The following CEP63 variants were observed in gnomAD, a reference collection of about 807,000 sequenced individuals.
CEP63 encodes the protein centrosomal protein 63.
A neutral mutation model predicts 89.1 loss-of-function variants in CEP63; 84 were observed. The observed-to-expected ratio is 0.94, with a 90% CI of 0.79 to 1.13. The LOEUF is 1.13. Ranked by LOEUF, CEP63 falls within the 50% of genes most tolerant of loss-of-function variation. CEP63 has a pLI of 0.00. For missense variants in CEP63, 838 were observed against 813.3 expected (o/e 1.03, Z -0.37); for synonymous variants, 267 against 272.5 (o/e 0.98, Z 0.20).
At chr3:134,541,031 C>T (rs1951891731) in intron 6 of CEP63, among the ~76,000 whole-genome samples, 1 of 152,134 alleles carries the variant, frequency 6.6e-6, no homozygotes, top group African/African-American at 2.4e-5. Flanking sequence ...ATCTGCCCAC[C>T]TTGGCCTCCC....
downstream of CEP63, among the ~76,000 whole-genome samples, chr3:134,568,397 C>A (rs907931663): frequency 2.0e-5 from 3 of 152,226 alleles, no homozygotes; most frequent in African/African-American, 7.2e-5. Context: ...CAGCCACAGG[C>A]AAGCATAGCC....
intron 10 of CEP63, among the ~76,000 whole-genome samples, chr3:134,587,280 T>G (rs942920495): frequency 6.6e-6 from 1 of 152,146 alleles, no homozygotes; most frequent in South Asian, 2.1e-4. Flanking sequence ...GGTGCTCTAG[T>G]TTTTAGAATT....
At chr3:134,620,744 C>T in the CEP63 span, 1 of 1,607,996 alleles carries the variant, frequency 6.2e-7, no homozygotes, top group Non-Finnish European at 8.5e-7. Context: ...CACAGGGGGG[C>T]CTACCTATGT....
At chr3:134,585,167 A>T (rs1958457938) in intron 10 of CEP63, among the ~76,000 whole-genome samples, 1 of 151,152 alleles carries the variant, frequency 6.6e-6, no homozygotes, top group Non-Finnish European at 1.5e-5. Context: ...TTTTGAAGGG[A>T]TTTTTGTGTC....
At chr3:134,732,499 G>T in the CEP63 span, among the ~76,000 whole-genome samples, 11 of 151,842 alleles carry the variant, frequency 7.2e-5, no homozygotes, top group African/African-American at 2.7e-4. Flanking sequence ...AAAGGCAATA[G>T]AATTTTATAA....
chr3:134,506,207 A>G (rs1327010198), intron 2 of CEP63, among the ~76,000 whole-genome samples: 3 of 152,196 alleles, frequency 2.0e-5, no homozygotes, highest in Non-Finnish European at 2.9e-5. Flanking sequence ...TTTCTCAGCA[A>G]TATCTGGCAT....
At chr3:134,652,311 A>C in the CEP63 span, among the ~76,000 whole-genome samples, 1 of 152,162 alleles carries the variant, frequency 6.6e-6, no homozygotes, top group African/African-American at 2.4e-5. Context: ...AGATGGAGTG[A>C]CAAGTGACTG....
the CEP63 span, among the ~76,000 whole-genome samples, chr3:134,684,281 A>G: frequency 6.6e-6 from 1 of 152,142 alleles, no homozygotes; most frequent in East Asian, 1.9e-4. Context: ...CTATCTCTCT[A>G]TTTCAACGTT....
chr3:134,555,928 A>G (rs1956063621), intron 12 of CEP63, among the ~76,000 whole-genome samples: 1 of 151,958 alleles, frequency 6.6e-6, no homozygotes, highest in Non-Finnish European at 1.5e-5. Context: ...AAAAAGAGAT[A>G]TAGATCAATG....
At chr3:134,750,149 A>G in the CEP63 span, among the ~76,000 whole-genome samples, 17 of 152,084 alleles carry the variant, frequency 1.1e-4, no homozygotes, top group South Asian at 4.1e-4. Context: ...CCCCTGACCA[A>G]CCTTCCCAAT....
intron 3 of CEP63, among the ~76,000 whole-genome samples, chr3:134,508,821 GCT>G (rs1461583646): frequency 6.6e-6 from 1 of 152,140 alleles, no homozygotes; most frequent in African/African-American, 2.4e-5. Context: ...TAGAATTGCA[GCT>G]CTCTGGTTAA....
the CEP63 span, among the ~76,000 whole-genome samples, chr3:134,759,439 C>A: frequency 6.6e-6 from 1 of 152,210 alleles, no homozygotes; most frequent in East Asian, 1.9e-4. Flanking sequence ...CTTTGGCCAC[C>A]TACAGAAGAC....
intron 3 of CEP63, 67 bp downstream of exon 3, chr3:134,507,353 T>A: frequency 8.1e-7 from 1 of 1,231,642 alleles, no homozygotes; most frequent in Non-Finnish European, 1.2e-6. Flanking sequence ...ATGTGTTTCT[T>A]AAGTATTTGT....
the CEP63 span, among the ~76,000 whole-genome samples, chr3:134,736,216 T>C: frequency 1.3e-5 from 2 of 152,174 alleles, no homozygotes; most frequent in South Asian, 2.1e-4. Flanking sequence ...AATATGTATG[T>C]ATGTATGTTC....
the CEP63 span, among the ~76,000 whole-genome samples, chr3:134,743,401 G>A: frequency 6.6e-6 from 1 of 152,126 alleles, no homozygotes; most frequent in African/African-American, 2.4e-5. Flanking sequence ...AGTAGAAAAG[G>A]CAGGCTGGGA....
the CEP63 span, among the ~76,000 whole-genome samples, chr3:134,650,292 T>A: frequency 2.0e-5 from 3 of 152,334 alleles, no homozygotes; most frequent in East Asian, 5.8e-4. Flanking sequence ...CTTTTACGCC[T>A]TTCATGCCTT....
chr3:134,673,822 C>T, the CEP63 span, among the ~76,000 whole-genome samples: 1 of 152,190 alleles, frequency 6.6e-6, no homozygotes, highest in Non-Finnish European at 1.5e-5. Flanking sequence ...CAGGACAACC[C>T]CAAATCTGGG....
At chr3:134,517,560 C>A (rs1205385319) in intron 3 of CEP63, among the ~76,000 whole-genome samples, 1 of 152,136 alleles carries the variant, frequency 6.6e-6, no homozygotes, top group African/African-American at 2.4e-5. Flanking sequence ...CAAAATTGAC[C>A]ATATGCTGGG....
the CEP63 span, among the ~76,000 whole-genome samples, chr3:134,592,952 G>A: frequency 3.9e-5 from 6 of 152,018 alleles, no homozygotes; most frequent in African/African-American, 1.2e-4. Flanking sequence ...TGGTGATTCC[G>A]GGCTCCCACT....
Sources: allele counts gnomAD v4.1 joint callset (sites outside exome capture counted in the v4.1 genomes callset), GRCh38; gene constraint gnomAD v4.1.1; transcripts MANE v1.5; gene names NCBI Gene and HGNC (gene_info 2026-07-23, HGNC 2026-07-21).